Variants in PIP5K1B observed in about 807,000 individuals in gnomAD.
PIP5K1B encodes the protein phosphatidylinositol 4-phosphate 5-kinase type-1 beta.
A neutral mutation model predicts 67.0 loss-of-function variants in PIP5K1B; 42 were observed. That is an observed-to-expected ratio of 0.63 (90% CI 0.49 to 0.81). The LOEUF is 0.81. Among genes scored for constraint, PIP5K1B ranks in the 30% least tolerant of loss-of-function variants. The pLI, the probability that PIP5K1B is intolerant of heterozygous loss-of-function variation, is 0.00. For synonymous variants in PIP5K1B, 214 were observed against 231.4 expected (o/e 0.92, Z 0.68); for missense variants, 459 against 646.3 (o/e 0.71, Z 3.14).
chr9:68,822,184 G>C (rs139021478), intron 3 of PIP5K1B, among the ~76,000 whole-genome samples: 2 of 152,098 alleles, frequency 1.3e-5, no homozygotes, highest in African/African-American at 2.4e-5. Flanking sequence ...GCCTGGGCAC[G>C]GTGGCACATG....
intron 15 of PIP5K1B, among the ~76,000 whole-genome samples, chr9:69,005,663 G>A (rs2133047844): frequency 6.6e-6 from 1 of 152,300 alleles, no homozygotes; most frequent in East Asian, 1.9e-4. Context: ...ACAGGCATGA[G>A]CCACCACACC....
chr9:68,803,553 G>A (rs1441759529), intron 2 of PIP5K1B, among the ~76,000 whole-genome samples: 1 of 152,220 alleles, frequency 6.6e-6, no homozygotes, highest in Admixed American at 6.5e-5. Flanking sequence ...CCCTGCTCAT[G>A]CTGTCTCCCA....
chr9:68,931,832 C>T (rs542632253), intron 12 of PIP5K1B, among the ~76,000 whole-genome samples: 15 of 152,280 alleles, frequency 9.9e-5, no homozygotes, highest in African/African-American at 1.4e-4. Context: ...CAAATCTAGG[C>T]GTTTCTGCCA....
chr9:68,822,476 C>CT, intron 3 of PIP5K1B, 139 bp from the exon 4 acceptor site: 1 of 568,686 alleles, frequency 1.8e-6, no homozygotes, highest in Non-Finnish European at 3.1e-6. Flanking sequence ...TGAAATGTTT[C>CT]TGTCTTCCTT....
intron 2 of PIP5K1B, among the ~76,000 whole-genome samples, chr9:68,759,471 T>G (rs543252097): frequency 6.6e-5 from 10 of 151,514 alleles, no homozygotes; most frequent in Admixed American, 6.6e-4. Flanking sequence ...CATAATAAAG[T>G]GGAATACTAA....
intron 14 of PIP5K1B, among the ~76,000 whole-genome samples, chr9:68,989,387 C>T (rs910175673): frequency 9.2e-5 from 14 of 152,008 alleles, no homozygotes; most frequent in East Asian, 1.9e-4. Flanking sequence ...TGGAAGGGGT[C>T]GCAGAGGAAG....
At chr9:68,956,828 T>C (rs147558804) in intron 14 of PIP5K1B, among the ~76,000 whole-genome samples, 1 of 152,274 alleles carries the variant, frequency 6.6e-6, no homozygotes, top group Non-Finnish European at 1.5e-5. Context: ...CAGAGAGATA[T>C]GTATCCCCTC....
intron 4 of PIP5K1B, among the ~76,000 whole-genome samples, chr9:68,861,268 C>T (rs2132251720): frequency 7.8e-6 from 1 of 128,416 alleles, no homozygotes; most frequent in African/African-American, 2.8e-5. Context: ...AAAACTTAAC[C>T]TTACACCAGA....
chr9:68,788,707 C>T (rs1223421271), intron 2 of PIP5K1B: 7 of 260,008 alleles, frequency 2.7e-5, no homozygotes, highest in South Asian at 1.5e-4. Flanking sequence ...GTCAGGCTCA[C>T]GTTTAGGACC....
intron 8 of PIP5K1B, among the ~76,000 whole-genome samples, chr9:68,895,220 G>A (rs1373510098): frequency 6.8e-6 from 1 of 146,110 alleles, no homozygotes; most frequent in African/African-American, 2.5e-5. Flanking sequence ...CTTAGCTGGA[G>A]TGATTGTCCA....
At chr9:68,721,308 G>A (rs1335497723) in intron 1 of PIP5K1B, among the ~76,000 whole-genome samples, 1 of 152,188 alleles carries the variant, frequency 6.6e-6, no homozygotes, top group Non-Finnish European at 1.5e-5. Flanking sequence ...CAGAAGAGAT[G>A]AAAAGGACCT....
rs1282455968 is a variant in PIP5K1B, at chr9:68,956,195, GCAAGGTGGCT to G, written c.1502+15408_1502+15417del. Among the ~76,000 whole-genome samples, 7 of 152,196 alleles carry G rather than the reference GCAAGGTGGCT, an allele frequency of 4.6e-5. 1 individual carries two copies. The highest frequency in any genetic ancestry group is 4.6e-4 in the Admixed American group (7 of 15,280). ...CGTTTGAAACATTCCTATAGGCCGG[GCAAGGTGGCT>G]CATGCCTGTAATCCCAGCATTTTGG... On this transcript the variant is annotated intron_variant, in intron 14 of 15. Transcript: ENST00000265382.
rs188230016 is a variant in PIP5K1B, at chr9:68,874,423, A to G, written c.201-2254A>G. Among the ~76,000 whole-genome samples the G allele has an allele frequency of 8.5e-5, 13 of 152,244 alleles. No homozygotes were observed. In the East Asian group the frequency reaches 2.5e-3, roughly 29 times the overall value. On this transcript the variant is annotated intron_variant, in intron 5 of 15. Coordinates refer to ENST00000265382, the MANE Select transcript of PIP5K1B (RefSeq NM_003558.4). ...TGTGTACATGAGCATTCTTGTGTGT[A>G]TGGGTGTACGTGTGTCTGTGTGTCT... is the stretch of plus-strand genomic sequence containing the variant.
At chr9:68,770,840 G>A (rs1830642860) in intron 2 of PIP5K1B, among the ~76,000 whole-genome samples, 1 of 152,168 alleles carries the variant, frequency 6.6e-6, no homozygotes, top group Non-Finnish European at 1.5e-5. Context: ...TAGTGGGTTT[G>A]GGGTAGAACT....
chr9:68,752,917 C>T (rs948225193), intron 2 of PIP5K1B, among the ~76,000 whole-genome samples: 8 of 152,162 alleles, frequency 5.3e-5, no homozygotes, highest in African/African-American at 9.7e-5. Flanking sequence ...TTTTTCTCTA[C>T]GATTTTGGCT....
intron 7 of PIP5K1B, among the ~76,000 whole-genome samples, chr9:68,891,995 T>G (rs1824814674): frequency 6.6e-6 from 1 of 152,074 alleles, no homozygotes; most frequent in Non-Finnish European, 1.5e-5. Flanking sequence ...TCAGAAAGAA[T>G]GTAATAAGAA....
intron 8 of PIP5K1B, among the ~76,000 whole-genome samples, chr9:68,908,204 G>T (rs1420305753): frequency 2.0e-5 from 3 of 152,076 alleles, no homozygotes; most frequent in Non-Finnish European, 2.9e-5. Context: ...TAATGAGAAG[G>T]ATGTGACATT....
intron 2 of PIP5K1B, chr9:68,780,470 C>G (rs1831199488): frequency 6.2e-7 from 1 of 1,614,204 alleles, no homozygotes; most frequent in Non-Finnish European, 8.5e-7. Context: ...GAGAGACGGT[C>G]CACGAACGGG....
rs771032459 is a variant in PIP5K1B at position 68,822,695 on chromosome 9, T to C, written c.69+12T>C. Reference sequence around the variant, plus strand: ...AAACCTATAAAAAGGTGAGTGTGCATTTTATTTTCTAAAGAGGAACACCGT... The same window carrying C: ...AAACCTATAAAAAGGTGAGTGTGCACTTTATTTTCTAAAGAGGAACACCGT... On this transcript the variant is annotated intron_variant, in intron 4 of 15. Coordinates refer to ENST00000265382, the MANE Select transcript of PIP5K1B (RefSeq NM_003558.4). 1 of 1,589,218 alleles carries C rather than the reference T, an allele frequency of 6.3e-7. No homozygotes were observed. Among genetic ancestry groups the C allele is most frequent in the Non-Finnish European group, 8.6e-7 (1 of 1,158,550 alleles).
Sources: gnomAD v4.1 joint callset for allele counts (sites outside exome capture counted in the v4.1 genomes callset) on GRCh38, gnomAD v4.1.1 for gene constraint, MANE v1.5 for transcripts, NCBI Gene and HGNC (gene_info 2026-07-23, HGNC 2026-07-21) for gene names.